Variants in GPC6 observed in about 807,000 individuals in gnomAD.
GPC6 encodes glypican 6, also known as glypican-6.
Under a neutral mutation model 55.2 loss-of-function variants are expected in GPC6, and 14 were observed. The observed-to-expected ratio is 0.25, with a 90% CI of 0.17 to 0.40. The LOEUF is 0.40. Among genes scored for constraint, GPC6 ranks in the 10% least tolerant of loss-of-function variants. The probability of loss-of-function intolerance (pLI) is 1.00; values close to 1 mark genes in which losing one functional copy is unlikely to be tolerated. For missense variants in GPC6, 641 were observed against 708.5 expected (o/e 0.90, Z 1.08); for synonymous variants, 278 against 259.6 (o/e 1.07, Z -0.68).
chr13:94,201,116 G>C (rs1889733360), intron 4 of GPC6, among the ~76,000 whole-genome samples: 1 of 152,180 alleles, frequency 6.6e-6, no homozygotes, highest in East Asian at 1.9e-4. Flanking sequence ...TGCCCCTCCT[G>C]GTTCACTTCC....
intron 6 of GPC6, among the ~76,000 whole-genome samples, chr13:94,315,068 A>G (rs1055404824): frequency 2.6e-5 from 4 of 152,242 alleles, no homozygotes; most frequent in Non-Finnish European, 5.9e-5. Flanking sequence ...CATTATCATC[A>G]AAGGCTCTGA....
At chr13:93,563,576 T>C (rs1009663063) in intron 2 of GPC6, among the ~76,000 whole-genome samples, 5 of 151,958 alleles carry the variant, frequency 3.3e-5, no homozygotes, top group African/African-American at 1.2e-4. Flanking sequence ...GTAACATATA[T>C]GAAGATGAGA....
At chr13:93,720,016 T>A (rs1324133755) in intron 2 of GPC6, among the ~76,000 whole-genome samples, 1 of 152,126 alleles carries the variant, frequency 6.6e-6, no homozygotes, top group African/African-American at 2.4e-5. Flanking sequence ...CGTATTGATG[T>A]TCATCTGATA....
At chr13:93,797,889 A>G (rs994219387) in intron 2 of GPC6, among the ~76,000 whole-genome samples, 3 of 152,192 alleles carry the variant, frequency 2.0e-5, no homozygotes, top group African/African-American at 7.2e-5. Context: ...GGGTTTTAAC[A>G]AAGGTTACAA....
At chr13:94,022,672 T>C (rs1882742338) in intron 3 of GPC6, among the ~76,000 whole-genome samples, 2 of 152,204 alleles carry the variant, frequency 1.3e-5, no homozygotes, top group South Asian at 4.1e-4. Flanking sequence ...CATATTGTTT[T>C]CTTTAATGGC....
At chr13:93,869,411 C>T (rs1021678548) in intron 3 of GPC6, among the ~76,000 whole-genome samples, 30 of 151,972 alleles carry the variant, frequency 2.0e-4, no homozygotes, top group African/African-American at 6.7e-4. Flanking sequence ...CCCCATGAGG[C>T]TGTCATAGCT....
chr13:93,883,648 A>T (rs1875137801), intron 3 of GPC6, among the ~76,000 whole-genome samples: 1 of 151,440 alleles, frequency 6.6e-6, no homozygotes, highest in African/African-American at 2.4e-5. Context: ...TTTTGAGGAG[A>T]TTCTTTGTTT....
chr13:94,150,093 C>T (rs1462837001), intron 4 of GPC6, among the ~76,000 whole-genome samples: 2 of 152,010 alleles, frequency 1.3e-5, no homozygotes. Context: ...TTCTTGGTGC[C>T]CCTTATCTCA....
intron 4 of GPC6, among the ~76,000 whole-genome samples, chr13:94,209,852 T>A (rs7320600): frequency 0.51 from 77,144 of 151,592 alleles, 21,938 homozygotes; most frequent in African/African-American, 0.77. Context: ...TTAATTAATT[T>A]ATTTATTTAC....
rs541684371 is a variant in GPC6, at chr13:93,900,904, A to AAGAAAGTTC, written c.711+70360_711+70368dup. Among the ~76,000 whole-genome samples, 334 of 152,308 alleles carry AAGAAAGTTC rather than the reference A, an allele frequency of 2.2e-3. 3 individuals are homozygous for AAGAAAGTTC. The highest frequency in any genetic ancestry group is 7.8e-3 in the African/African-American group (325 of 41,570). ...GAAATTGTAAATATTATTTTAAGGGAAGAAAGTTCCGTATGACACAGTTGT... is the reference window on the plus strand; with the variant it reads ...GAAATTGTAAATATTATTTTAAGGGAAGAAAGTTCAGAAAGTTCCGTATGACACAGTTGT... On this transcript the variant is annotated intron_variant, in intron 3 of 8. Transcript: ENST00000377047.
intron 1 of GPC6, among the ~76,000 whole-genome samples, chr13:93,362,144 T>C (rs1311970370): frequency 6.6e-6 from 1 of 152,192 alleles, no homozygotes; most frequent in East Asian, 1.9e-4. Context: ...TACATGCCAC[T>C]CCAAATAACT....
chr13:94,234,524 G>A (rs1210254478), intron 4 of GPC6, among the ~76,000 whole-genome samples: 1 of 59,254 alleles, frequency 1.7e-5, no homozygotes, highest in African/African-American at 6.9e-5. Flanking sequence ...TTTTTTTTTT[G>A]CAATATCACT....
chr13:94,027,763 T>C lies in GPC6; in HGVS notation c.746T>C (p.Met249Thr). 1 of 1,614,106 alleles carries C rather than the reference T, an allele frequency of 6.2e-7. No individual in the cohort carries two copies. Among genetic ancestry groups the C allele is most frequent in the African/African-American group, 1.3e-5 (1 of 75,026 alleles). ...SPTPGCIRAL[M>T]KMLYCPYCRG... ...ACCCCAGGGTGTATCCGTGCCCTCA[T>C]GAAGATGCTGTACTGCCCATACTGT... is the stretch of plus-strand genomic sequence containing the variant. The change falls in exon 4 of 9, where the codon ATG (methionine) becomes ACG (threonine). Residue 249 changes from methionine (M) to threonine (T), a missense_variant. Met to Thr is a moderately conservative substitution (Grantham distance 81). Transcript: ENST00000377047.
At chr13:94,317,855 G>GTGTGTGTGCATGTGTGTGCA in intron 6 of GPC6, among the ~76,000 whole-genome samples, 1 of 152,044 alleles carries the variant, frequency 6.6e-6, no homozygotes, top group East Asian at 1.9e-4. Flanking sequence ...GTGTGAGAGT[G>GTGTGTGTGCATGTGTGTGCA]TGTGTGTGCA....
chr13:93,606,240 C>G (rs1039378756), intron 2 of GPC6, among the ~76,000 whole-genome samples: 4 of 152,154 alleles, frequency 2.6e-5, no homozygotes, highest in African/African-American at 9.7e-5. Flanking sequence ...CCATTTGAAT[C>G]TAGTTCCTAT....
At chr13:94,132,381 C>T (rs958799764) in intron 4 of GPC6, among the ~76,000 whole-genome samples, 4 of 152,114 alleles carry the variant, frequency 2.6e-5, no homozygotes, top group Non-Finnish European at 4.4e-5. Context: ...TTTGCCTCTC[C>T]ATTTTGAATG....
intron 1 of GPC6, among the ~76,000 whole-genome samples, chr13:93,437,274 T>C (rs2139283054): frequency 6.6e-6 from 1 of 152,300 alleles, no homozygotes; most frequent in South Asian, 2.1e-4. Context: ...TTCTCAGTGT[T>C]CAAGTGAAAA....
chr13:93,492,695 C>T (rs1802026234), intron 1 of GPC6, among the ~76,000 whole-genome samples: 1 of 150,978 alleles, frequency 6.6e-6, no homozygotes, highest in African/African-American at 2.4e-5. Context: ...AAATACGTCC[C>T]ATCAAGACCT....
At position 94,196,900 on chromosome 13, in the gene GPC6, T is replaced by C. The variant is rs568789615; in HGVS notation, c.878-89449T>C. Among the ~76,000 whole-genome samples, 3 of 152,358 alleles carry C rather than the reference T, an allele frequency of 2.0e-5. No individual in the cohort carries two copies. In the South Asian group the frequency reaches 6.2e-4, roughly 32 times the overall value. On this transcript the variant is annotated intron_variant, in intron 4 of 8. Coordinates refer to ENST00000377047, the MANE Select transcript of GPC6 (RefSeq NM_005708.5). ...AAAGAGACACTTATATTGGCTGTTA[T>C]ATTGGCTAATTTGTTTCTGGATTTA...
Sources: gnomAD v4.1 joint callset for allele counts (sites outside exome capture counted in the v4.1 genomes callset) on GRCh38, gnomAD v4.1.1 for gene constraint, MANE v1.5 for transcripts, NCBI Gene and HGNC (gene_info 2026-07-23, HGNC 2026-07-21) for gene names.